Variants in HCN1 observed in about 807,000 individuals in gnomAD.
HCN1 encodes potassium/sodium hyperpolarization-activated cyclic nucleotide-gated channel 1.
HCN1 carries 13 observed loss-of-function variants against 78.9 expected under a neutral mutation model. The ratio of observed to expected loss-of-function variants is 0.16; its 90% confidence interval spans 0.11 to 0.26. The LOEUF is 0.26. HCN1 is among the 10% of genes least tolerant of loss of function. The probability of loss-of-function intolerance (pLI) is 1.00; values close to 1 mark genes in which losing one functional copy is unlikely to be tolerated. For synonymous variants in HCN1, 552 were observed against 455.5 expected (o/e 1.21, Z -2.70); for missense variants, 810 against 1,154.3 (o/e 0.70, Z 4.32).
chr5:45,684,950 T>A lies in HCN1; in HGVS notation c.425+10719A>T, dbSNP rs77807633. On this transcript the variant is annotated intron_variant, in intron 1 of 7. Coordinates refer to ENST00000303230, the MANE Select transcript of HCN1 (RefSeq NM_021072.4). ...CATGTTCCTCAAACAACCTAGGTAG[T>A]GTAAATTTTAATAAGGTGCATTGTC... Among the ~76,000 whole-genome samples, 133 of 152,296 alleles carry A rather than the reference T, an allele frequency of 8.7e-4. 1 individual carries two copies. In the East Asian group the frequency reaches 0.025, roughly 28 times the overall value.
chr5:45,616,073 GAA>G (rs759056571), intron 2 of HCN1, among the ~76,000 whole-genome samples: 8 of 129,096 alleles, frequency 6.2e-5, no homozygotes, highest in Admixed American at 1.6e-4. Flanking sequence ...TGTTTTTCTT[GAA>G]AAAAAAAAAA....
intron 4 of HCN1, among the ~76,000 whole-genome samples, chr5:45,374,057 A>G (rs1263007008): frequency 6.4e-5 from 6 of 94,100 alleles, no homozygotes; most frequent in Middle Eastern, 0.015. Context: ...TATATATATT[A>G]TATATATAAT....
intron 4 of HCN1, among the ~76,000 whole-genome samples, chr5:45,361,639 T>C (rs1747111798): frequency 6.6e-6 from 1 of 152,184 alleles, no homozygotes; most frequent in Non-Finnish European, 1.5e-5. Context: ...CCAATACAAA[T>C]AGTCATTTGC....
intron 5 of HCN1, among the ~76,000 whole-genome samples, chr5:45,318,455 C>T (rs987940665): frequency 1.3e-5 from 2 of 151,920 alleles, no homozygotes; most frequent in Non-Finnish European, 2.9e-5. Flanking sequence ...GAAGATATAC[C>T]TAATGTAAAT....
chr5:45,529,542 A>G (rs550605054), intron 2 of HCN1, among the ~76,000 whole-genome samples: 1 of 152,242 alleles, frequency 6.6e-6, no homozygotes, highest in South Asian at 2.1e-4. Context: ...AGGCGTTAGA[A>G]ATTAATGATG....
chr5:45,319,581 T>C lies in HCN1; in HGVS notation c.1378-15742A>G, dbSNP rs555777562. Among the ~76,000 whole-genome samples, 233 of 151,970 alleles carry C rather than the reference T, an allele frequency of 1.5e-3. 2 individuals are homozygous for C. Among genetic ancestry groups the C allele is most frequent in the African/African-American group, 5.3e-3 (219 of 41,544 alleles). On this transcript the variant is annotated intron_variant, in intron 5 of 7. Coordinates refer to ENST00000303230, the MANE Select transcript of HCN1 (RefSeq NM_021072.4). The stretch of plus-strand genomic sequence containing the variant: ...AAGAGTTCTTCTTATACTCTTGACA[T>C]GAGTTCTTTTTTTGGGGATATGCAC...
At chr5:45,609,173 T>A (rs1394412167) in intron 2 of HCN1, among the ~76,000 whole-genome samples, 1 of 152,104 alleles carries the variant, frequency 6.6e-6, no homozygotes, top group African/African-American at 2.4e-5. Context: ...CATCATTTTG[T>A]AAAGCTGAAA....
intron 1 of HCN1, among the ~76,000 whole-genome samples, chr5:45,653,793 T>A (rs77479784): frequency 6.6e-5 from 10 of 151,982 alleles, no homozygotes; most frequent in Non-Finnish European, 1.3e-4. Context: ...AGGGGACGGA[T>A]AGCATTGGGA....
intron 6 of HCN1, among the ~76,000 whole-genome samples, chr5:45,285,417 G>A (rs138103892): frequency 1.8e-4 from 28 of 151,932 alleles, no homozygotes; most frequent in Non-Finnish European, 3.4e-4. Context: ...TATTATAGAC[G>A]TCTCACTTGG....
intron 4 of HCN1, among the ~76,000 whole-genome samples, chr5:45,384,243 T>C (rs1430798413): frequency 1.3e-5 from 2 of 152,236 alleles, no homozygotes; most frequent in Non-Finnish European, 2.9e-5. Context: ...TTCAAGTAGA[T>C]AAAAGCCTTG....
chr5:45,568,127 A>C (rs1743746560), intron 2 of HCN1, among the ~76,000 whole-genome samples: 1 of 152,116 alleles, frequency 6.6e-6, no homozygotes, highest in Non-Finnish European at 1.5e-5. Flanking sequence ...TATTTTAGTC[A>C]TCAGTAACAT....
chr5:45,375,236 A>G (rs1185176162), intron 4 of HCN1, among the ~76,000 whole-genome samples: 1 of 120,140 alleles, frequency 8.3e-6, no homozygotes, highest in Non-Finnish European at 1.6e-5. Context: ...TTTATAATAT[A>G]TAATATATTA....
At chr5:45,506,905 G>T (rs1742313254) in intron 2 of HCN1, among the ~76,000 whole-genome samples, 1 of 151,958 alleles carries the variant, frequency 6.6e-6, no homozygotes, top group South Asian at 2.1e-4. Context: ...TGCATTTAGT[G>T]GCCTCAAACC....
chr5:45,482,368 A>T (rs1184823866), intron 2 of HCN1, among the ~76,000 whole-genome samples: 1 of 152,166 alleles, frequency 6.6e-6, no homozygotes. Context: ...ACCTCACGTA[A>T]AGTGTAGCTT....
intron 4 of HCN1, among the ~76,000 whole-genome samples, chr5:45,370,527 T>C (rs982823287): frequency 6.6e-6 from 1 of 152,050 alleles, no homozygotes; most frequent in African/African-American, 2.4e-5. Context: ...ACCTTCCTCA[T>C]TGCTACCTTT....
chr5:45,371,744 G>A (rs1315480708), intron 4 of HCN1, among the ~76,000 whole-genome samples: 1 of 144,162 alleles, frequency 6.9e-6, no homozygotes, highest in Non-Finnish European at 1.5e-5. Context: ...GTGACAGTGA[G>A]AGACTCCATC....
At chr5:45,343,380 G>T (rs1240524747) in intron 5 of HCN1, among the ~76,000 whole-genome samples, 5 of 152,292 alleles carry the variant, frequency 3.3e-5, no homozygotes, top group African/African-American at 1.2e-4. Context: ...CAGACCAAAT[G>T]CTGGAAGGCA....
At chr5:45,530,459 G>T (rs1005641591) in intron 2 of HCN1, among the ~76,000 whole-genome samples, 6 of 149,706 alleles carry the variant, frequency 4.0e-5, no homozygotes, top group East Asian at 1.9e-4. Flanking sequence ...AAAATAAAGG[G>T]TGCTTTTTTG....
chr5:45,262,084 T>C lies in HCN1; in HGVS notation c.2510A>G (p.Gln837Arg). The C allele has an allele frequency of 6.2e-7, 1 of 1,613,052 alleles. No individual in the cohort carries two copies. The highest frequency in any genetic ancestry group is 8.5e-7 in the Non-Finnish European group (1 of 1,179,378). ...CATCTGTCGGAAGAGGGTGACGCGC[T>C]GCGGGACAGTGCTCCTGCCCCCTGC... The part of the protein sequence containing the change: ...LQAGGRSTVP[Q>R]RVTLFRQMSS... Residue 837 changes from glutamine (Q) to arginine (R), a missense_variant, in exon 8 of 8, where the codon CAG becomes CGG. Transcript: ENST00000303230.
Sources: allele counts gnomAD v4.1 joint callset (sites outside exome capture counted in the v4.1 genomes callset), GRCh38; gene constraint gnomAD v4.1.1; transcripts MANE v1.5; gene names NCBI Gene and HGNC (gene_info 2026-07-23, HGNC 2026-07-21).